Variants in CNTN5 observed in about 807,000 individuals in gnomAD.
The protein encoded by CNTN5 is contactin-5.
Under a neutral mutation model 129.1 loss-of-function variants are expected in CNTN5, and 77 were observed. The observed-to-expected ratio is 0.60, with a 90% confidence interval of 0.50 to 0.72. The LOEUF (loss-of-function observed/expected upper bound fraction) is 0.72, where lower values mean the gene tolerates loss of function less well. Among genes scored for constraint, CNTN5 ranks in the 30% least tolerant of loss-of-function variants. The pLI, the probability that CNTN5 is intolerant of heterozygous loss-of-function variation, is 0.00. For missense variants in CNTN5, 1,478 were observed against 1,328.8 expected, an observed-to-expected ratio of 1.11 and a Z score of -1.75; for synonymous variants, 509 against 465.6, an observed-to-expected ratio of 1.09 and a Z score of -1.20.
At chr11:99,920,860 G>T (rs1949920582) in intron 7 of CNTN5, among the ~76,000 whole-genome samples, 1 of 152,132 alleles carries the variant, frequency 6.6e-6, no homozygotes, top group Non-Finnish European at 1.5e-5. Context: ...TACTACTTTT[G>T]AGGGGATATA....
intron 1 of CNTN5, among the ~76,000 whole-genome samples, chr11:99,098,633 A>G (rs1252796716): frequency 6.6e-6 from 1 of 152,150 alleles, no homozygotes; most frequent in Non-Finnish European, 1.5e-5. Context: ...ATTGTTTAAT[A>G]TAAAATATTA....
rs528476269 is a variant in CNTN5 at position 99,962,492 on chromosome 11, C to T, written c.877+5483C>T. Among the ~76,000 whole-genome samples, 982 of 151,904 alleles carry T rather than the reference C, an allele frequency of 6.5e-3. 14 individuals are homozygous for T. The highest frequency in any genetic ancestry group is 0.022 in the African/African-American group (917 of 41,390). On this transcript the variant is annotated intron_variant, in intron 8 of 24. Transcript: ENST00000524871. ...TCCCTACAAAGGACATGAACTCATC[C>T]TTTTTTATGGCTGCATAGTATTCCA...
chr11:100,162,799 A>G (rs1469755956), intron 13 of CNTN5, among the ~76,000 whole-genome samples: 1 of 151,782 alleles, frequency 6.6e-6, no homozygotes, highest in Non-Finnish European at 1.5e-5. Flanking sequence ...ATCTTTGAAT[A>G]TAATGTATAT....
intron 13 of CNTN5, among the ~76,000 whole-genome samples, chr11:100,147,474 T>C (rs1411743629): frequency 6.6e-6 from 1 of 152,092 alleles, no homozygotes; most frequent in Non-Finnish European, 1.5e-5. Flanking sequence ...GAGTTTGTCT[T>C]GCCCCTATAA....
intron 3 of CNTN5, among the ~76,000 whole-genome samples, chr11:99,587,825 G>A (rs374476474): frequency 9.2e-5 from 14 of 152,268 alleles, no homozygotes; most frequent in African/African-American, 3.1e-4. Flanking sequence ...TCAAAAGAGT[G>A]CTTTAATAGT....
At chr11:99,587,214 C>T (rs1003425176) in intron 3 of CNTN5, among the ~76,000 whole-genome samples, 1 of 152,122 alleles carries the variant, frequency 6.6e-6, no homozygotes, top group African/African-American at 2.4e-5. Context: ...GAGAGAGAAG[C>T]GGCTATAGAA....
chr11:99,346,214 GTGC>G (rs1474705541), intron 2 of CNTN5, among the ~76,000 whole-genome samples: 2 of 152,152 alleles, frequency 1.3e-5, no homozygotes, highest in African/African-American at 4.8e-5. Flanking sequence ...GTCAGTAGAG[GTGC>G]TGAGAGGCAA....
chr11:99,283,665 G>C (rs1419947071), intron 1 of CNTN5, among the ~76,000 whole-genome samples: 12 of 152,084 alleles, frequency 7.9e-5, no homozygotes, highest in Non-Finnish European at 1.8e-4. Context: ...CGAGCACTGT[G>C]CTAAGCAGGG....
chr11:99,964,472 G>A (rs10791073), intron 8 of CNTN5, among the ~76,000 whole-genome samples: 32,389 of 152,042 alleles, frequency 0.21, 3,944 homozygotes, highest in African/African-American at 0.32. Context: ...ATTGATTTGC[G>A]TATATTGAAC....
chr11:100,245,414 G>A (rs1308219453), intron 16 of CNTN5, among the ~76,000 whole-genome samples: 1 of 152,144 alleles, frequency 6.6e-6, no homozygotes, highest in East Asian at 1.9e-4. Flanking sequence ...GATCTGATTG[G>A]CTTAGGCCTA....
intron 3 of CNTN5, chr11:99,558,308 G>A (rs550741457): frequency 1.2e-5 from 5 of 409,514 alleles, no homozygotes; most frequent in African/African-American, 6.3e-5. Flanking sequence ...GGAGATGGAG[G>A]TAGGGTTGCA....
chr11:99,912,259 C>T (rs980136422), intron 6 of CNTN5, among the ~76,000 whole-genome samples: 1 of 151,846 alleles, frequency 6.6e-6, no homozygotes, highest in African/African-American at 2.4e-5. Flanking sequence ...TTAATAGCTC[C>T]CATTTAGAGA....
intron 18 of CNTN5, among the ~76,000 whole-genome samples, chr11:100,288,429 C>G (rs1184598405): frequency 6.6e-6 from 1 of 152,208 alleles, no homozygotes; most frequent in Admixed American, 6.5e-5. Context: ...ACAGTGCAAT[C>G]AAACTAGAAC....
chr11:99,436,622 C>A (rs909067396), intron 2 of CNTN5, among the ~76,000 whole-genome samples: 3 of 151,988 alleles, frequency 2.0e-5, no homozygotes, highest in Admixed American at 2.0e-4. Context: ...TAGGTAAATC[C>A]AAAAAACTTT....
chr11:99,222,815 C>T (rs1245000794), intron 1 of CNTN5, among the ~76,000 whole-genome samples: 2 of 152,060 alleles, frequency 1.3e-5, no homozygotes, highest in Non-Finnish European at 2.9e-5. Context: ...TGTATTCTTC[C>T]TTGTCTAGTC....
chr11:100,033,187 G>A (rs1941813367), intron 9 of CNTN5, among the ~76,000 whole-genome samples: 1 of 152,150 alleles, frequency 6.6e-6, no homozygotes, highest in South Asian at 2.1e-4. Flanking sequence ...GCAGACTACA[G>A]TGTTCCAAAC....
intron 18 of CNTN5, among the ~76,000 whole-genome samples, chr11:100,295,175 T>C (rs1397317038): frequency 1.3e-5 from 2 of 151,572 alleles, no homozygotes; most frequent in Non-Finnish European, 3.0e-5. Flanking sequence ...GGAGGTAAGG[T>C]AAGAGAAGGA....
At chr11:99,774,425 C>T (rs1244699966) in intron 3 of CNTN5, among the ~76,000 whole-genome samples, 3 of 150,246 alleles carry the variant, frequency 2.0e-5, no homozygotes, top group Non-Finnish European at 4.4e-5. Flanking sequence ...GTTTGTGTGT[C>T]TCATGAGATC....
intron 2 of CNTN5, among the ~76,000 whole-genome samples, chr11:99,474,341 A>G (rs1945288480): frequency 6.6e-6 from 1 of 152,062 alleles, no homozygotes; most frequent in South Asian, 2.1e-4. Context: ...CTTCTTCCCC[A>G]CTGATTTGAA....
Sources: allele counts gnomAD v4.1 joint callset (sites outside exome capture counted in the v4.1 genomes callset), GRCh38; gene constraint gnomAD v4.1.1; transcripts MANE v1.5; gene names NCBI Gene and HGNC (gene_info 2026-07-23, HGNC 2026-07-21).